Variants in LRMDA observed in about 807,000 individuals in gnomAD.
LRMDA encodes leucine rich melanocyte differentiation associated.
LRMDA carries 18 observed loss-of-function variants against 29.8 expected under a neutral mutation model. The observed-to-expected ratio is 0.60, with a 90% CI of 0.42 to 0.90. LRMDA has a LOEUF of 0.90. Ranked by LOEUF, LRMDA falls within the 40% of genes least tolerant of loss-of-function variation. The pLI is 0.00. For missense variants in LRMDA, 273 were observed against 273.9 expected (o/e 1.00, Z 0.02); for synonymous variants, 125 against 109.4 (o/e 1.14, Z -0.89).
intron 5 of LRMDA, among the ~76,000 whole-genome samples, chr10:76,254,336 A>ATACCATACCG (rs1852544946): frequency 1.3e-5 from 2 of 150,294 alleles, no homozygotes; most frequent in Non-Finnish European, 2.9e-5. Flanking sequence ...ATACCATACC[A>ATACCATACCG]TACCATCCTA....
rs116692461 is a variant in LRMDA, at chr10:75,477,541, C to T, written c.131+39047C>T. Among the ~76,000 whole-genome samples, 1,135 of 152,346 alleles carry T rather than the reference C, an allele frequency of 7.5e-3. 14 individuals carry two copies. Among genetic ancestry groups the T allele is most frequent in the African/African-American group, 0.026 (1,077 of 41,580 alleles). ...ACTCTGAATGTCACGTTTCCATGAA[C>T]TTCTCCTTAACTCTGTGCATGGTTG... On this transcript the variant is annotated intron_variant, in intron 2 of 6. Coordinates refer to ENST00000611255, the MANE Select transcript of LRMDA (RefSeq NM_001305581.2).
At chr10:75,677,535 A>G (rs1297869739) in intron 2 of LRMDA, among the ~76,000 whole-genome samples, 1 of 152,134 alleles carries the variant, frequency 6.6e-6, no homozygotes, top group Non-Finnish European at 1.5e-5. Flanking sequence ...CATCGAGGAG[A>G]TACCTAAAAA....
intron 2 of LRMDA, among the ~76,000 whole-genome samples, chr10:75,617,302 C>T (rs928170286): frequency 6.6e-6 from 1 of 152,130 alleles, no homozygotes; most frequent in Non-Finnish European, 1.5e-5. Context: ...CAAGGTTTCC[C>T]ATTTACAACC....
At chr10:76,478,475 G>C (rs1842701690) in intron 6 of LRMDA, among the ~76,000 whole-genome samples, 1 of 152,114 alleles carries the variant, frequency 6.6e-6, no homozygotes, top group Non-Finnish European at 1.5e-5. Context: ...CAACCATTGT[G>C]GAAGTCAGTG....
chr10:76,254,858 CA>C (rs1441328716), intron 5 of LRMDA, among the ~76,000 whole-genome samples: 2 of 152,066 alleles, frequency 1.3e-5, no homozygotes, highest in African/African-American at 4.8e-5. Context: ...TTTATAGGAA[CA>C]ATGTGCCTTT....
At chr10:76,467,378 G>A (rs1425164711) in intron 6 of LRMDA, among the ~76,000 whole-genome samples, 1 of 152,194 alleles carries the variant, frequency 6.6e-6, no homozygotes, top group Admixed American at 6.5e-5. Context: ...AGTAGCATCT[G>A]CCCCAGCTGG....
chr10:76,537,819 C>T (rs534118915), intron 6 of LRMDA, among the ~76,000 whole-genome samples: 1 of 152,256 alleles, frequency 6.6e-6, no homozygotes, highest in South Asian at 2.1e-4. Context: ...GCCTACCTAC[C>T]TCATCTTCCC....
intron 5 of LRMDA, among the ~76,000 whole-genome samples, chr10:76,276,487 A>T (rs1840136662): frequency 6.6e-6 from 1 of 152,030 alleles, no homozygotes; most frequent in Non-Finnish European, 1.5e-5. Flanking sequence ...TTCAGATCTA[A>T]AATTTCTAAG....
chr10:76,236,433 G>A (rs1852153184), intron 5 of LRMDA, among the ~76,000 whole-genome samples: 1 of 152,198 alleles, frequency 6.6e-6, no homozygotes, highest in Non-Finnish European at 1.5e-5. Flanking sequence ...CTGAATTCCA[G>A]TGGAACAGCT....
intron 4 of LRMDA, 148 bp from the exon 5 acceptor site, chr10:76,058,518 A>G (rs763771102): frequency 1.4e-5 from 10 of 696,818 alleles, no homozygotes; most frequent in Admixed American, 1.1e-4. Context: ...ACAGTTGTTT[A>G]TTCTTTGTGA....
chr10:76,435,846 C>G (rs1299140396), intron 6 of LRMDA, among the ~76,000 whole-genome samples: 1 of 152,140 alleles, frequency 6.6e-6, no homozygotes. Flanking sequence ...TCTCATAGGT[C>G]CTGCTAACAC....
At chr10:75,534,386 A>C (rs1839918036) in intron 2 of LRMDA, among the ~76,000 whole-genome samples, 2 of 152,136 alleles carry the variant, frequency 1.3e-5, no homozygotes, top group Non-Finnish European at 1.5e-5. Context: ...AAACAGTGAA[A>C]AATGCTACCA....
At chr10:75,727,803 A>G (rs1465917241) in intron 2 of LRMDA, among the ~76,000 whole-genome samples, 1 of 152,166 alleles carries the variant, frequency 6.6e-6, no homozygotes, top group Non-Finnish European at 1.5e-5. Context: ...TTATTGTTGT[A>G]TACTTGTCTT....
chr10:76,542,345 G>A (rs538840687), intron 6 of LRMDA, among the ~76,000 whole-genome samples: 67 of 152,082 alleles, frequency 4.4e-4, no homozygotes, highest in African/African-American at 1.5e-3. Flanking sequence ...GGAGGGGAGG[G>A]GGTTATCTTT....
intron 2 of LRMDA, among the ~76,000 whole-genome samples, chr10:75,674,469 C>G (rs1161082946): frequency 1.3e-5 from 2 of 151,994 alleles, no homozygotes; most frequent in African/African-American, 2.4e-5. Flanking sequence ...TATGGAGAAC[C>G]TAGAGTTCCA....
intron 5 of LRMDA, among the ~76,000 whole-genome samples, chr10:76,099,574 G>T (rs1240931973): frequency 6.7e-6 from 1 of 148,814 alleles, no homozygotes; most frequent in East Asian, 2.0e-4. Flanking sequence ...TGCTTTAGCT[G>T]CATCCCATGT....
chr10:76,464,015 G>A (rs887306953), intron 6 of LRMDA, among the ~76,000 whole-genome samples: 2 of 145,606 alleles, frequency 1.4e-5, no homozygotes, highest in African/African-American at 5.1e-5. Context: ...CCACCTCCCG[G>A]TTCAAGCGAT....
chr10:76,171,634 C>T (rs1321753814), intron 5 of LRMDA, among the ~76,000 whole-genome samples: 1 of 152,144 alleles, frequency 6.6e-6, no homozygotes, highest in Non-Finnish European at 1.5e-5. Context: ...TGAAACGTAA[C>T]CACAGCAGGG....
At chr10:75,464,402 C>T (rs954110438) in intron 2 of LRMDA, among the ~76,000 whole-genome samples, 2 of 152,072 alleles carry the variant, frequency 1.3e-5, no homozygotes, top group South Asian at 4.1e-4. Context: ...AGACTGTGCA[C>T]TAGTTTATGT....
Sources: allele counts gnomAD v4.1 joint callset (sites outside exome capture counted in the v4.1 genomes callset), GRCh38; gene constraint gnomAD v4.1.1; transcripts MANE v1.5; gene names NCBI Gene and HGNC (gene_info 2026-07-23, HGNC 2026-07-21).